Variants in TOX observed in about 807,000 individuals in gnomAD.
The protein encoded by TOX is thymocyte selection associated high mobility group box, also known as thymocyte selection-associated high mobility group box protein TOX.
TOX carries 11 observed loss-of-function variants against 53.7 expected under a neutral mutation model. The observed-to-expected ratio is 0.20, with a 90% confidence interval of 0.13 to 0.34. The LOEUF is 0.34. Among genes scored for constraint, TOX ranks in the 10% least tolerant of loss-of-function variants. TOX has a pLI of 1.00. For synonymous variants in TOX, 225 were observed against 245.3 expected (o/e 0.92, Z 0.77); for missense variants, 570 against 664.6 (o/e 0.86, Z 1.56).
intron 1 of TOX, among the ~76,000 whole-genome samples, chr8:59,028,866 G>T (rs1814295492): frequency 6.6e-6 from 1 of 152,148 alleles, no homozygotes; most frequent in East Asian, 1.9e-4. Flanking sequence ...AAACATTATG[G>T]TAGCTGTAAA....
Position 59,117,477 on chromosome 8 carries a change from C to T in TOX, c.102+1409G>A, listed in dbSNP as rs1035414484. ...AAACACCATCGGCACACAGCACAGT[C>T]CTTTGAGTGGGTCTCACACTGGACA... On this transcript the variant is annotated intron_variant, in intron 1 of 8. Transcript: ENST00000361421. This position sits in a 1 kb window ranked among gnomAD's most constrained non-coding sequence, Gnocchi z 4.6. Among the ~76,000 whole-genome samples the T allele has an allele frequency of 6.6e-6, 1 of 152,232 alleles. No homozygotes were observed. Among genetic ancestry groups the T allele is most frequent in the South Asian group, 2.1e-4 (1 of 4,832 alleles).
intron 6 of TOX, among the ~76,000 whole-genome samples, chr8:58,816,871 G>A (rs550255204): frequency 4.6e-5 from 7 of 152,252 alleles, no homozygotes; most frequent in South Asian, 4.1e-4. Flanking sequence ...GCACGACAGC[G>A]TGAAACTCAG....
intron 3 of TOX, among the ~76,000 whole-genome samples, chr8:58,861,877 T>C (rs1461536738): frequency 2.0e-5 from 3 of 152,204 alleles, no homozygotes; most frequent in Non-Finnish European, 4.4e-5. Context: ...GTTCAGAACA[T>C]TGATATTTGA....
At chr8:59,033,632 T>G (rs1034733919) in intron 1 of TOX, among the ~76,000 whole-genome samples, 2 of 152,220 alleles carry the variant, frequency 1.3e-5, no homozygotes, top group African/African-American at 4.8e-5. Context: ...GACATAAATG[T>G]AAATGTTTGC....
Position 58,832,472 on chromosome 8 carries a change from T to C in TOX, c.925-5570A>G, listed in dbSNP as rs143754607. Among the ~76,000 whole-genome samples the C allele has an allele frequency of 2.8e-3, 421 of 152,232 alleles. 1 individual carries two copies. The highest frequency in any genetic ancestry group is 9.8e-3 in the African/African-American group (407 of 41,554). On this transcript the variant is annotated intron_variant, in intron 5 of 8. Transcript: ENST00000361421. ...ACAGGATTTTAGTTAACCTTAAGTA[T>C]TGTTGACATAAAAATCCAAATTTTA...
chr8:58,867,413 G>T (rs1445453291), intron 3 of TOX, among the ~76,000 whole-genome samples: 1 of 152,178 alleles, frequency 6.6e-6, no homozygotes, highest in African/African-American at 2.4e-5. Context: ...GGGGGTGGGG[G>T]TTGAAGGGAC....
At chr8:58,909,671 T>G (rs973977832) in intron 3 of TOX, among the ~76,000 whole-genome samples, 3 of 152,076 alleles carry the variant, frequency 2.0e-5, no homozygotes, top group Non-Finnish European at 4.4e-5. Context: ...TTTTTTTTTT[T>G]TTTTGAGAGG....
rs201760713 is a variant in TOX at position 59,009,190 on chromosome 8, C to CT, written c.103-49183dup. Among the ~76,000 whole-genome samples the CT allele has an allele frequency of 1.4e-3, 199 of 146,460 alleles. 2 individuals carry two copies. The highest frequency in any genetic ancestry group is 4.5e-3 in the African/African-American group (180 of 39,712). ...TTCCTTCATCTCTCCTTTCTTTATT[C>CT]TTTTTTTTTCTTTTCTTCCCCCTCT... On this transcript the variant is annotated intron_variant, in intron 1 of 8. Transcript: ENST00000361421.
chr8:58,877,862 A>T (rs201155146), intron 3 of TOX, among the ~76,000 whole-genome samples: 20,175 of 151,832 alleles, frequency 0.13, 1,632 homozygotes, highest in East Asian at 0.36. Flanking sequence ...ACATATTAAA[A>T]AAAAAAAAAG....
In TOX at chr8:58,815,404, C is replaced by T; in HGVS notation, c.1326G>A (p.Gln442=). The part of the protein sequence containing the change: ...NMQQHQPLTM[Q]QPLGNQLPMQ... ...TGGGGAGCTGGTTCCCAAGGGGCTG[C>T]TGCATGGTGAGCGGCTGGTGCTGCT... Residue 442 remains glutamine, a synonymous_variant, in exon 7 of 9, where the codon CAG becomes CAA. Coordinates refer to ENST00000361421, the MANE Select transcript of TOX (RefSeq NM_014729.3). The T allele has an allele frequency of 1.2e-6, 2 of 1,613,690 alleles. No individual in the cohort carries two copies. The highest frequency in any genetic ancestry group is 1.7e-6 in the Non-Finnish European group (2 of 1,179,842).
intron 3 of TOX, among the ~76,000 whole-genome samples, chr8:58,910,181 C>A (rs1360211313): frequency 1.3e-5 from 2 of 152,134 alleles, no homozygotes; most frequent in African/African-American, 2.4e-5. Flanking sequence ...AATCCATATG[C>A]AAATCGTAAA....
At chr8:58,997,350 T>C (rs1373308248) in intron 1 of TOX, among the ~76,000 whole-genome samples, 3 of 152,252 alleles carry the variant, frequency 2.0e-5, no homozygotes, top group South Asian at 2.1e-4. Flanking sequence ...CTTAGGCCAG[T>C]AGTTGAGTTG....
chr8:58,848,932 A>G (rs575451810), intron 4 of TOX, among the ~76,000 whole-genome samples: 1 of 152,252 alleles, frequency 6.6e-6, no homozygotes, highest in South Asian at 2.1e-4. Flanking sequence ...GGAACTAAAT[A>G]TTCTTGTTTA....
intron 1 of TOX, among the ~76,000 whole-genome samples, chr8:59,072,154 T>C (rs1020113477): frequency 5.3e-5 from 8 of 152,212 alleles, no homozygotes; most frequent in Admixed American, 1.3e-4. Context: ...AGTTCAAGTA[T>C]ATGCTTTTGT....
intron 1 of TOX, among the ~76,000 whole-genome samples, chr8:59,036,398 G>A (rs1013699958): frequency 1.3e-5 from 2 of 152,222 alleles, no homozygotes; most frequent in Admixed American, 6.5e-5. Flanking sequence ...TCCCTGCAAC[G>A]GCCTCTTGTC....
intron 3 of TOX, among the ~76,000 whole-genome samples, chr8:58,901,946 A>G (rs1483678881): frequency 6.6e-6 from 1 of 152,194 alleles, no homozygotes; most frequent in Non-Finnish European, 1.5e-5. Flanking sequence ...TGCACCATGG[A>G]TATCTTCCAC....
intron 2 of TOX, among the ~76,000 whole-genome samples, chr8:58,958,268 C>G (rs766002916): frequency 1.7e-4 from 26 of 152,134 alleles, no homozygotes; most frequent in Non-Finnish European, 1.3e-4. Context: ...ATGCATTGTA[C>G]TTGAATTTTA....
rs1812394688 is a variant in TOX at position 58,939,284 on chromosome 8, A to T, written c.411+18T>A. ...GTATCCCTCAGCCCCCACCACAAAC[A>T]GGTAAGCAGATTCTTACCACAGAAA... is the stretch of plus-strand genomic sequence containing the variant. On this transcript the variant is annotated intron_variant, in intron 3 of 8. Coordinates refer to ENST00000361421, the MANE Select transcript of TOX (RefSeq NM_014729.3). 6.2e-6 allele frequency: 10 copies of T among 1,613,490 alleles called. No homozygotes were observed. Among genetic ancestry groups the T allele is most frequent in the African/African-American group, 4.0e-5 (3 of 75,034 alleles).
intron 1 of TOX, among the ~76,000 whole-genome samples, chr8:59,058,825 T>G (rs1803929678): frequency 6.6e-6 from 1 of 152,130 alleles, no homozygotes; most frequent in African/African-American, 2.4e-5. Context: ...CTTTCTCTGT[T>G]TACAATTAAC....
Sources: gnomAD v4.1 joint callset for allele counts (sites outside exome capture counted in the v4.1 genomes callset) on GRCh38, gnomAD v4.1.1 for gene constraint, Gnocchi (gnomAD v3.1) non-coding constraint, MANE v1.5 for transcripts, NCBI Gene and HGNC (gene_info 2026-07-23, HGNC 2026-07-21) for gene names.